NDUFA10: variants seen among roughly 807,000 people sequenced by gnomAD.
NDUFA10 encodes the protein NADH:ubiquinone oxidoreductase subunit A10.
A neutral mutation model predicts 47.8 loss-of-function variants in NDUFA10; 40 were observed. The ratio of observed to expected loss-of-function variants is 0.84; its 90% CI spans 0.65 to 1.09. The LOEUF (loss-of-function observed/expected upper bound fraction) is 1.09. NDUFA10 is among the 50% of genes least tolerant of loss of function. The probability of loss-of-function intolerance (pLI) is 0.00; values close to 1 mark genes in which losing one functional copy is unlikely to be tolerated. For synonymous variants in NDUFA10, 183 were observed against 172.2 expected, an observed-to-expected ratio of 1.06 and a Z score of -0.49; for missense variants, 413 against 451.1, an observed-to-expected ratio of 0.92 and a Z score of 0.76.
intron 4 of NDUFA10, among the ~76,000 whole-genome samples, chr2:239,912,811 A>G (rs1693778704): frequency 1.3e-5 from 2 of 152,132 alleles, no homozygotes; most frequent in African/African-American, 4.8e-5. Context: ...CTGGGTGTCA[A>G]TGTCCATCCA....
At chr2:239,974,171 C>A (rs59540972) in intron 9 of NDUFA10, among the ~76,000 whole-genome samples, 1 of 152,008 alleles carries the variant, frequency 6.6e-6, no homozygotes. Context: ...TCAAGTCATC[C>A]GCCCGCCTCA....
chr2:239,983,521 C>G, intron 9 of NDUFA10: 1 of 1,600,668 alleles, frequency 6.2e-7, no homozygotes, highest in Non-Finnish European at 8.5e-7. Context: ...TCTTACTCAA[C>G]AAAGGAACAT....
intron 2 of NDUFA10, 61 bp from the exon 3 acceptor site, chr2:240,021,473 G>A (rs993162933): frequency 5.4e-6 from 8 of 1,477,822 alleles, no homozygotes; most frequent in African/African-American, 4.1e-5. Context: ...GCAGGGAGCA[G>A]TGGGGACTAG....
chr2:239,948,430 C>T (rs561896908), intron 4 of NDUFA10, among the ~76,000 whole-genome samples: 35 of 152,238 alleles, frequency 2.3e-4, no homozygotes, highest in Non-Finnish European at 4.4e-4. Flanking sequence ...TGAGTGGCGA[C>T]GGAAAAGTAA....
At chr2:240,000,290 C>T (rs1343211483) in intron 8 of NDUFA10, among the ~76,000 whole-genome samples, 3 of 152,146 alleles carry the variant, frequency 2.0e-5, no homozygotes, top group African/African-American at 4.8e-5. Flanking sequence ...TGTTACTGCC[C>T]GTGAAGGCCT....
At chr2:239,921,708 C>T (rs1418714958) in intron 4 of NDUFA10, among the ~76,000 whole-genome samples, 1 of 152,060 alleles carries the variant, frequency 6.6e-6, no homozygotes, top group Admixed American at 6.5e-5. Context: ...AAGGCCAGGC[C>T]GAGGAGACCC....
chr2:239,997,468 A>C (rs2106456733), intron 8 of NDUFA10, among the ~76,000 whole-genome samples: 1 of 152,320 alleles, frequency 6.6e-6, no homozygotes, highest in East Asian at 1.9e-4. Flanking sequence ...CATTTTGTTT[A>C]ATTATATTCT....
chr2:239,977,237 CAA>C, intron 9 of NDUFA10, among the ~76,000 whole-genome samples: 1 of 152,336 alleles, frequency 6.6e-6, no homozygotes, highest in Admixed American at 6.5e-5. Context: ...TCGTGTTGTT[CAA>C]AGTCACCCAT....
chr2:240,005,658 A>G (rs1362513583), intron 7 of NDUFA10, among the ~76,000 whole-genome samples: 3 of 152,196 alleles, frequency 2.0e-5, no homozygotes, highest in Non-Finnish European at 4.4e-5. Flanking sequence ...TGGCTGGCCA[A>G]GAGGTAACAT....
intron 1 of NDUFA10, among the ~76,000 whole-genome samples, chr2:240,023,218 G>A (rs945804526): frequency 2.0e-5 from 3 of 152,002 alleles, no homozygotes; most frequent in African/African-American, 7.3e-5. Context: ...AGATATGATG[G>A]GGTAATAACC....
At position 239,906,270 on chromosome 2, in the gene NDUFA10, G is replaced by A. The variant is rs74358236; in HGVS notation, c.295-10956C>T. Among the ~76,000 whole-genome samples, 1 of 152,202 alleles carries A rather than the reference G, an allele frequency of 6.6e-6. No homozygotes were observed. The highest frequency in any genetic ancestry group is 1.5e-5 in the Non-Finnish European group (1 of 68,046). ...ATTAAAAGTCATTTAATCATCTACTGTTCAAGCTCTTAGCAAAACTGCGGC... is the reference window on the plus strand; with the variant it reads ...ATTAAAAGTCATTTAATCATCTACTATTCAAGCTCTTAGCAAAACTGCGGC... On this transcript the variant is annotated intron_variant, in intron 4 of 5. Coordinates refer to the NDUFA10 transcript ENST00000419408. This position sits in a 1 kb window ranked among gnomAD's most constrained non-coding sequence, Gnocchi z 4.3.
chr2:239,933,422 G>A (rs576520399), intron 4 of NDUFA10, among the ~76,000 whole-genome samples: 1 of 152,284 alleles, frequency 6.6e-6, no homozygotes, highest in South Asian at 2.1e-4. Flanking sequence ...CGGGCCTGGG[G>A]AGCGACCTGG....
intron 8 of NDUFA10, among the ~76,000 whole-genome samples, chr2:239,998,150 A>C (rs954446571): frequency 6.6e-6 from 1 of 152,192 alleles, no homozygotes; most frequent in African/African-American, 2.4e-5. Context: ...TTCTATATTC[A>C]ACCTTTGTTC....
intron 9 of NDUFA10, chr2:239,969,850 AT>A: frequency 2.2e-6 from 1 of 456,018 alleles, no homozygotes; most frequent in South Asian, 1.6e-5. Flanking sequence ...ACTATCCAAA[AT>A]TAGGCACAGA....
Position 239,959,920 on chromosome 2 carries a change from C to A in NDUFA10, c.*1198G>T. 1.0e-6 allele frequency: 1 copy of A among 985,494 alleles called. No homozygotes were observed. 61.0% of individuals were successfully genotyped at this position (985,494 alleles called of 1,614,324 possible). On this transcript the variant is annotated 3_prime_UTR_variant, in exon 10 of 10. Coordinates refer to ENST00000252711, the MANE Select transcript of NDUFA10 (RefSeq NM_004544.4). ...ATCTTCTTCGCATGCTCCGCAGCAG[C>A]GAGGCCTGGTAGAGCTTCCGCGGGG...
At chr2:239,935,376 C>T (rs1694245669) in intron 4 of NDUFA10, among the ~76,000 whole-genome samples, 1 of 152,232 alleles carries the variant, frequency 6.6e-6, no homozygotes, top group South Asian at 2.1e-4. Context: ...GGGAAAATTA[C>T]AATTCATCGC....
intron 3 of NDUFA10, among the ~76,000 whole-genome samples, chr2:240,019,936 A>G (rs1180329093): frequency 1.3e-5 from 2 of 152,202 alleles, no homozygotes; most frequent in Non-Finnish European, 2.9e-5. Context: ...ACCTCAAACC[A>G]GAAACAGCAG....
intron 1 of NDUFA10, among the ~76,000 whole-genome samples, chr2:240,024,689 G>A (rs986639283): frequency 1.3e-5 from 2 of 152,222 alleles, no homozygotes; most frequent in African/African-American, 4.8e-5. Context: ...GGCAGAATGT[G>A]ACAAAGCAAT....
intron 4 of NDUFA10, among the ~76,000 whole-genome samples, chr2:239,909,474 G>A (rs13409870): frequency 0.17 from 25,270 of 152,078 alleles, 2,135 homozygotes; most frequent in South Asian, 0.2. Context: ...TTAGCCAGGC[G>A]TGGTGGCATG....
Sources: allele counts gnomAD v4.1 joint callset (sites outside exome capture counted in the v4.1 genomes callset), GRCh38; gene constraint gnomAD v4.1.1; non-coding constraint Gnocchi (gnomAD v3.1); transcripts MANE v1.5; gene names NCBI Gene and HGNC (gene_info 2026-07-23, HGNC 2026-07-21).